Variants in ARHGAP26 observed in about 807,000 individuals in gnomAD.
ARHGAP26 encodes rho GTPase-activating protein 26.
In ARHGAP26, 38 loss-of-function variants were observed where a neutral mutation model predicts 104.8. That is an observed-to-expected ratio of 0.36 (90% CI 0.28 to 0.48). ARHGAP26 has a LOEUF of 0.48. ARHGAP26 is among the 20% of genes least tolerant of loss of function. The pLI, the probability that ARHGAP26 is intolerant of heterozygous loss-of-function variation, is 0.99. For missense variants in ARHGAP26, 704 were observed against 947.9 expected (o/e 0.74, Z 3.38); for synonymous variants, 341 against 340.0 (o/e 1.00, Z -0.03).
rs143046940 is a variant in ARHGAP26, at chr5:142,893,794, G to T, written c.487-444G>T. ...ATAGCCATTGTAACTGGCTTGAGAT[G>T]ATATCTCATTTTGATTTTGACTTTC... On this transcript the variant is annotated intron_variant, in intron 5 of 22. Coordinates refer to ENST00000645722, the MANE Select transcript of ARHGAP26 (RefSeq NM_001135608.3). 7.7e-3 allele frequency among the ~76,000 whole-genome samples: 1,176 copies of T among 152,234 alleles called. 13 individuals are homozygous for T. Among genetic ancestry groups the T allele is most frequent in the African/African-American group, 0.027 (1,120 of 41,536 alleles).
chr5:143,143,445 A>G (rs907757900), intron 19 of ARHGAP26, among the ~76,000 whole-genome samples: 1 of 152,150 alleles, frequency 6.6e-6, no homozygotes, highest in African/African-American at 2.4e-5. Flanking sequence ...CACCAAAATT[A>G]TTCTGCGGCT....
chr5:142,870,001 C>T (rs1755039006), intron 1 of ARHGAP26, among the ~76,000 whole-genome samples: 1 of 151,996 alleles, frequency 6.6e-6, no homozygotes, highest in African/African-American at 2.4e-5. Context: ...ACTTGGCCTC[C>T]CCAGATGCCG....
At chr5:142,834,010 T>G (rs1769051961) in intron 1 of ARHGAP26, among the ~76,000 whole-genome samples, 2 of 152,242 alleles carry the variant, frequency 1.3e-5, no homozygotes, top group Non-Finnish European at 2.9e-5. Context: ...TGTTCAGTTT[T>G]AAACTAGATT....
At chr5:143,158,611 G>T (rs2151046948) in intron 20 of ARHGAP26, among the ~76,000 whole-genome samples, 1 of 152,282 alleles carries the variant, frequency 6.6e-6, no homozygotes, top group Middle Eastern at 3.4e-3. Context: ...GTCATTCACT[G>T]CATTTGCACT....
intron 22 of ARHGAP26, among the ~76,000 whole-genome samples, chr5:143,214,411 A>G (rs185295429): frequency 2.5e-4 from 38 of 152,376 alleles, no homozygotes; most frequent in African/African-American, 9.1e-4. Flanking sequence ...TACACATCAC[A>G]TGTTTAAAAT....
At chr5:143,076,529 T>C (rs886608226) in intron 17 of ARHGAP26, among the ~76,000 whole-genome samples, 1 of 152,242 alleles carries the variant, frequency 6.6e-6, no homozygotes, top group African/African-American at 2.4e-5. Context: ...ATATAACAGC[T>C]AACATTTGTC....
At chr5:143,193,540 A>G (rs66608674) in intron 20 of ARHGAP26, among the ~76,000 whole-genome samples, 35,104 of 151,956 alleles carry the variant, frequency 0.23, 5,083 homozygotes, top group African/African-American at 0.41. Context: ...GTGAGCCACC[A>G]TGCCCCGGCC....
chr5:142,820,774 T>C (rs1766005301), intron 1 of ARHGAP26, among the ~76,000 whole-genome samples: 2 of 152,264 alleles, frequency 1.3e-5, no homozygotes, highest in African/African-American at 4.8e-5. Flanking sequence ...TGAAACATTT[T>C]TAAGCAATTG....
chr5:142,965,161 A>G (rs892623863), intron 11 of ARHGAP26, among the ~76,000 whole-genome samples: 14 of 152,194 alleles, frequency 9.2e-5, no homozygotes, highest in Non-Finnish European at 1.6e-4. Context: ...ACTGCTATCT[A>G]GAAGGCAGAG....
chr5:142,836,063 A>G (rs1008609073), intron 1 of ARHGAP26, among the ~76,000 whole-genome samples: 15 of 152,178 alleles, frequency 9.9e-5, no homozygotes, highest in Admixed American at 3.9e-4. Context: ...GGTTCTTGGG[A>G]ATGGAATCTT....
intron 17 of ARHGAP26, among the ~76,000 whole-genome samples, chr5:143,094,156 G>A (rs899126457): frequency 4.6e-5 from 7 of 152,154 alleles, no homozygotes; most frequent in East Asian, 1.9e-4. Flanking sequence ...ATGCTTTACC[G>A]CCCCTGCGGT....
At chr5:142,803,369 C>A (rs538004166) in intron 1 of ARHGAP26, among the ~76,000 whole-genome samples, 1 of 152,298 alleles carries the variant, frequency 6.6e-6, no homozygotes, top group East Asian at 1.9e-4. Flanking sequence ...CATTTGGAAT[C>A]TTTTGGCTGC....
rs114412111 is a variant in ARHGAP26 at position 143,101,838 on chromosome 5, C to T, written c.1539-19150C>T. On this transcript the variant is annotated intron_variant, in intron 17 of 22. Transcript: ENST00000645722. ...GAGAGAAGCTGGAGAAGGGAAAGTTCGTCATATGACATAAAAGCTTTTTTT... is the reference window on the plus strand; with the variant it reads ...GAGAGAAGCTGGAGAAGGGAAAGTTTGTCATATGACATAAAAGCTTTTTTT... 5.3e-3 allele frequency among the ~76,000 whole-genome samples: 806 copies of T among 150,858 alleles called. 6 individuals carry two copies. The highest frequency in any genetic ancestry group is 0.019 in the African/African-American group (771 of 41,136).
At chr5:143,107,602 A>T (rs188875985) in intron 17 of ARHGAP26, among the ~76,000 whole-genome samples, 2 of 152,300 alleles carry the variant, frequency 1.3e-5, no homozygotes, top group East Asian at 3.9e-4. Flanking sequence ...CTTTGTCATT[A>T]AACACTTTGA....
intron 17 of ARHGAP26, among the ~76,000 whole-genome samples, chr5:143,070,979 A>C (rs1788167978): frequency 6.6e-6 from 1 of 152,218 alleles, no homozygotes; most frequent in African/African-American, 2.4e-5. Flanking sequence ...CCTAAAACTT[A>C]TATGGGACCA....
In ARHGAP26 at chr5:143,222,522, C is replaced by A; in HGVS notation, c.*76C>A. ...GCTGATTCCAGTGTCGAGGCCATTT[C>A]TCTTTGCCACTGAGAAATGCAGCGT... On this transcript the variant is annotated 3_prime_UTR_variant, in exon 23 of 23. Transcript: ENST00000645722. 1.7e-6 allele frequency: 2 copies of A among 1,202,058 alleles called. No homozygotes were observed. The highest frequency in any genetic ancestry group is 1.1e-6 in the Non-Finnish European group (1 of 870,532). The allele number at this position is 1,202,058 out of a possible 1,614,324, so 74.5% of individuals were successfully genotyped here.
chr5:143,108,909 G>T (rs1794424610), intron 17 of ARHGAP26, among the ~76,000 whole-genome samples: 1 of 152,194 alleles, frequency 6.6e-6, no homozygotes, highest in Non-Finnish European at 1.5e-5. Flanking sequence ...CTCAGCGCTG[G>T]GTCCCAGAGC....
intron 19 of ARHGAP26, among the ~76,000 whole-genome samples, chr5:143,135,901 G>A (rs1219306242): frequency 3.9e-5 from 6 of 152,152 alleles, no homozygotes; most frequent in African/African-American, 1.4e-4. Flanking sequence ...TGGTCTGCAC[G>A]TGGCCTGGGC....
At chr5:143,185,546 A>G (rs1034242586) in intron 20 of ARHGAP26, among the ~76,000 whole-genome samples, 2 of 152,102 alleles carry the variant, frequency 1.3e-5, no homozygotes, top group African/African-American at 4.8e-5. Flanking sequence ...CTCCTTGTTT[A>G]TTTTTGCTTT....
Sources: gnomAD v4.1 joint callset for allele counts (sites outside exome capture counted in the v4.1 genomes callset) on GRCh38, gnomAD v4.1.1 for gene constraint, MANE v1.5 for transcripts, NCBI Gene and HGNC (gene_info 2026-07-23, HGNC 2026-07-21) for gene names.